The following PCDH18 variants were observed in gnomAD, a reference collection of about 807,000 sequenced individuals.
The protein encoded by PCDH18 is protocadherin-18.
Under a neutral mutation model 71.5 loss-of-function variants are expected in PCDH18, and 38 were observed. That is an observed-to-expected ratio of 0.53 (90% CI 0.41 to 0.70). The LOEUF (loss-of-function observed/expected upper bound fraction) is 0.70. Among genes scored for constraint, PCDH18 ranks in the 30% least tolerant of loss-of-function variants. The pLI is 0.00. For synonymous variants in PCDH18, 565 were observed against 505.4 expected, an observed-to-expected ratio of 1.12 and a Z score of -1.58; for missense variants, 1,334 against 1,384.6, an observed-to-expected ratio of 0.96 and a Z score of 0.58.
At position 137,521,603 on chromosome 4, in the gene PCDH18, C is replaced by G. The variant is rs1414557585; in HGVS notation, c.2834G>C (p.Ser945Thr). The change falls in exon 4 of 4, where the codon AGT becomes ACT. Residue 945 changes from serine (S) to threonine (T), a missense_variant. Ser to Thr is a moderately conservative substitution (Grantham distance 58). Coordinates refer to ENST00000344876, the MANE Select transcript of PCDH18 (RefSeq NM_019035.5). ...TTCTTCCCCTGGAATGAACATGTTA[C>G]TCCTATAATCAGAAGACGGTGAGGG... ...PLPSPSSDYR[S>T]NMFIPGEEFP... 6 of 1,613,822 alleles carry G rather than the reference C, an allele frequency of 3.7e-6. No individual in the cohort carries two copies. The highest frequency in any genetic ancestry group is 5.1e-6 in the Non-Finnish European group (6 of 1,180,000).
At position 137,528,190 on chromosome 4, in the gene PCDH18, G is replaced by T. The variant is rs1731534611; in HGVS notation, c.2740+288C>A. Among the ~76,000 whole-genome samples the T allele has an allele frequency of 3.3e-5, 5 of 152,046 alleles. No homozygotes were observed. The South Asian group carries it at 1.0e-3, about 31-fold the overall frequency. ...TGTATCGGATGAGGTGGAAAGAGGG[G>T]GAAAGTGTTTGTTTTTTTGATTTTT... On this transcript the variant is annotated intron_variant, in intron 3 of 3. Transcript: ENST00000344876.
chr4:137,523,434 C>T (rs967596646), intron 3 of PCDH18, among the ~76,000 whole-genome samples: 1 of 151,420 alleles, frequency 6.6e-6, no homozygotes, highest in Non-Finnish European at 1.5e-5. Flanking sequence ...AGCAAAATAA[C>T]AATCATAGTG....
Position 137,530,489 on chromosome 4 carries a change from C to T in PCDH18, c.1600G>A (p.Asp534Asn), listed in dbSNP as rs778145466. The T allele has an allele frequency of 3.8e-5, 61 of 1,613,992 alleles. 1 individual carries two copies. The highest frequency in any genetic ancestry group is 5.2e-5 in the Non-Finnish European group (61 of 1,179,960). The change falls in exon 1 of 4, where the codon GAT becomes AAT. Residue 534 changes from aspartate to asparagine, a missense_variant. Physicochemically the swap from Asp to Asn is conservative, Grantham distance 23. Transcript: ENST00000344876. Reference sequence around the variant, plus strand: ...GTGATCTGACTCACTTCTTCATGATCAAAGATTCTGAGGGCATAGATGGCT... The same window carrying T: ...GTGATCTGACTCACTTCTTCATGATTAAAGATTCTGAGGGCATAGATGGCT... ...NGAIYALRIF[D>N]HEEVSQITFV...
rs780521845 is a variant in PCDH18, at chr4:137,530,143, T to C, written c.1946A>G (p.Tyr649Cys). Residue 649 changes from tyrosine to cysteine, a missense_variant, in exon 1 of 4, where the codon TAC (tyrosine) becomes TGC (cysteine). Coordinates refer to ENST00000344876, the MANE Select transcript of PCDH18 (RefSeq NM_019035.5). ...HTNVSMDSVPYTEWELSVIIQ... is the reference protein window; with the variant it reads ...HTNVSMDSVPCTEWELSVIIQ... ...GATAACTGACAGCTCCCATTCTGTG[T>C]AGGGAACAGAATCCATGCTAACGTT... 1.7e-5 allele frequency: 27 copies of C among 1,612,992 alleles called. No homozygotes were observed. In the South Asian group the frequency reaches 2.4e-4, roughly 14 times the overall value.
Position 137,531,208 on chromosome 4 carries a change from A to T in PCDH18, c.881T>A (p.Met294Lys). 1 of 1,612,076 alleles carries T rather than the reference A, an allele frequency of 6.2e-7. No individual in the cohort carries two copies. The highest frequency in any genetic ancestry group is 8.5e-7 in the Non-Finnish European group (1 of 1,178,942). The change falls in exon 1 of 4, where the codon ATG becomes AAG. Residue 294 changes from methionine to lysine, a missense_variant. Around this residue, in one of 3 missense-constraint regions of PCDH18, gnomAD observed 1,011 missense variants for 1,048.0 expected, o/e 0.96. Coordinates refer to ENST00000344876, the MANE Select transcript of PCDH18 (RefSeq NM_019035.5). The stretch of plus-strand genomic sequence containing the variant: ...TTCAGAATCAATTTTAAAAGTCTCC[A>T]TAATTTTGGGAGACACATGACTGCT... ...SFSSHVSPKI[M>K]ETFKIDSERG...
chr4:137,521,535 C>T lies in PCDH18; in HGVS notation c.2902G>A (p.Glu968Lys), dbSNP rs2149211670. Residue 968 changes from glutamate to lysine, a missense_variant, in exon 4 of 4, where the codon GAG becomes AAG. Glu to Lys is a moderately conservative substitution (Grantham distance 56). This residue lies in a region of PCDH18 where 319 missense variants were observed against 316.3 expected (regional missense o/e 1.01). Transcript: ENST00000344876. ...PQQQHPHQSL[E>K]DDAQPADSGE... ...GAATCTGCAGGCTGAGCGTCATCCT[C>T]AAGACTCTGATGTGGATGCTGCTGC... 4 of 1,614,142 alleles carry T rather than the reference C, an allele frequency of 2.5e-6. No homozygotes were observed. The South Asian group carries it at 3.3e-5, about 13-fold the overall frequency.
Position 137,531,282 on chromosome 4 carries a change from A to G in PCDH18, c.807T>C (p.Asn269=). The G allele has an allele frequency of 6.2e-7, 1 of 1,614,154 alleles. No homozygotes were observed. Among genetic ancestry groups the G allele is most frequent in the Non-Finnish European group, 8.5e-7 (1 of 1,180,006 alleles). ...TAGCGCCCTCATCTGGATCCGTGGC[A>G]TTCAGATCTAAGAGCAAAGTGCCAA... ...SPVGTLLLDL[N]ATDPDEGANG... The change falls in exon 1 of 4, where the codon AAT becomes AAC. Residue 269 remains asparagine, a synonymous_variant. Transcript: ENST00000344876.
Position 137,531,599 on chromosome 4 carries a change from G to T in PCDH18, c.490C>A (p.Pro164Thr), listed in dbSNP as rs999361885. ...TRIPLDSAFDPDVGENSLHTY... is the reference protein window; with the variant it reads ...TRIPLDSAFDTDVGENSLHTY... Reference sequence around the variant, plus strand: ...TGGAGGGAATTTTCCCCAACATCTGGATCAAATGCACTGTCCAGGGGAATG... The same window carrying T: ...TGGAGGGAATTTTCCCCAACATCTGTATCAAATGCACTGTCCAGGGGAATG... The change falls in exon 1 of 4, where the codon CCA becomes ACA. Residue 164 changes from proline (P) to threonine (T), a missense_variant. Pro to Thr is a conservative substitution (Grantham distance 38). This residue lies in a region of PCDH18 where 1,011 missense variants were observed against 1,048.0 expected (regional missense o/e 0.96). Coordinates refer to ENST00000344876, the MANE Select transcript of PCDH18 (RefSeq NM_019035.5). 21 of 1,613,620 alleles carry T rather than the reference G, an allele frequency of 1.3e-5. No individual in the cohort carries two copies. The highest frequency in any genetic ancestry group is 2.2e-5 in the East Asian group (1 of 44,846).
chr4:137,531,044 C>T lies in PCDH18; in HGVS notation c.1045G>A (p.Asp349Asn). The T allele has an allele frequency of 6.2e-7, 1 of 1,609,556 alleles. No individual in the cohort carries two copies. Among genetic ancestry groups the T allele is most frequent in the Non-Finnish European group, 8.5e-7 (1 of 1,177,700 alleles). ...TTGATGTTAATTTCAGGTTTATTGT[C>T]ATTAACATCCACAACCTTAATTATA... ...KIIIKVVDVNDNKPEININLM... is the reference protein window; with the variant it reads ...KIIIKVVDVNNNKPEININLM... Residue 349 changes from aspartate (D) to asparagine (N), a missense_variant, in exon 1 of 4, where the codon GAC becomes AAC. Transcript: ENST00000344876.
Position 137,532,091 on chromosome 4 carries a change from G to T in PCDH18, c.-3C>A, listed in dbSNP as rs963166615. 5 of 1,604,748 alleles carry T rather than the reference G, an allele frequency of 3.1e-6. No homozygotes were observed. The highest frequency in any genetic ancestry group is 4.3e-6 in the Non-Finnish European group (5 of 1,173,778). ...ATTTTAGCATTCATTTGGTGCATTG[G>T]TCAGTTTATGAGATTTCCCTCACAG... On this transcript the variant is annotated 5_prime_UTR_variant, in exon 1 of 4. Coordinates refer to ENST00000344876, the MANE Select transcript of PCDH18 (RefSeq NM_019035.5).
In PCDH18 at chr4:137,532,035, T is replaced by C; in HGVS notation, c.54A>G (p.Ile18Met). The C allele has an allele frequency of 6.2e-7, 1 of 1,613,210 alleles. No individual in the cohort carries two copies. Among genetic ancestry groups the C allele is most frequent in the Non-Finnish European group, 8.5e-7 (1 of 1,179,606 alleles). Residue 18 changes from isoleucine to methionine, a missense_variant, in exon 1 of 4, where the codon ATA (isoleucine) becomes ATG (methionine). By Grantham distance (10) the Ile-to-Met change is conservative. Around this residue, in one of 3 missense-constraint regions of PCDH18, gnomAD observed 1,011 missense variants for 1,048.0 expected, o/e 0.96. Coordinates refer to ENST00000344876, the MANE Select transcript of PCDH18 (RefSeq NM_019035.5). ...CCAGTACATCGTGGTTGAAAGATACTATCAGAAGTGCAAAAACAAACCTAA... is the reference window on the plus strand; with the variant it reads ...CCAGTACATCGTGGTTGAAAGATACCATCAGAAGTGCAAAAACAAACCTAA... ...MHFRFVFALL[I>M]VSFNHDVLGK...
intron 3 of PCDH18, among the ~76,000 whole-genome samples, chr4:137,522,148 A>G (rs1239623473): frequency 6.6e-6 from 1 of 152,192 alleles, no homozygotes; most frequent in Non-Finnish European, 1.5e-5. Context: ...AATGGAAGCA[A>G]TGAGAATATA....
At chr4:137,528,371 A>T in intron 3 of PCDH18, 107 bp downstream of exon 3, 1 of 815,260 alleles carries the variant, frequency 1.2e-6, no homozygotes, top group Non-Finnish European at 2.0e-6. Flanking sequence ...TAAATACTTT[A>T]GTGCAAGGGA....
Position 137,520,137 on chromosome 4 carries a change from A to G in PCDH18, c.*892T>C, listed in dbSNP as rs2149211031. On this transcript the variant is annotated 3_prime_UTR_variant, in exon 4 of 4. Coordinates refer to ENST00000344876, the MANE Select transcript of PCDH18 (RefSeq NM_019035.5). The stretch of plus-strand genomic sequence containing the variant: ...TTATATTTACTACCTTAGGAGAGAC[A>G]CTGACACAACTGTTTTTATCCAGTA... The G allele has an allele frequency of 6.5e-6, 1 of 152,770 alleles. No homozygotes were observed. Among genetic ancestry groups the G allele is most frequent in the South Asian group, 2.1e-4 (1 of 4,828 alleles). 9.5% of individuals were successfully genotyped at this position (152,770 alleles called of 1,614,324 possible). A position where few individuals can be genotyped will look rare whatever the true frequency, so the allele number is the denominator to read the frequency against.
intron 3 of PCDH18, among the ~76,000 whole-genome samples, chr4:137,522,960 G>A (rs1343634750): frequency 1.3e-5 from 2 of 152,144 alleles, no homozygotes; most frequent in African/African-American, 4.8e-5. Flanking sequence ...GATTGAAGGC[G>A]TAGAAATTGC....
In PCDH18 at chr4:137,531,941, C is replaced by A; in HGVS notation, c.148G>T (p.Asp50Tyr). 1.2e-6 allele frequency: 2 copies of A among 1,614,120 alleles called. No individual in the cohort carries two copies. Among genetic ancestry groups the A allele is most frequent in the Non-Finnish European group, 1.7e-6 (2 of 1,180,016 alleles). The change falls in exon 1 of 4, where the codon GAT (aspartate) becomes TAT (tyrosine). Residue 50 changes from aspartate (D) to tyrosine (Y), a missense_variant. Physicochemically the swap from Asp to Tyr is radical, Grantham distance 160. Coordinates refer to ENST00000344876, the MANE Select transcript of PCDH18 (RefSeq NM_019035.5). ...VGSVIARLSE[D>Y]VADVLLKLPN... is the part of the protein sequence containing the mutation. ...AGCTTCAATAAAACATCAGCCACATCCTCTGATAGTCTTGCAATTACTGAT... is the reference window on the plus strand; with the variant it reads ...AGCTTCAATAAAACATCAGCCACATACTCTGATAGTCTTGCAATTACTGAT...
At position 137,531,807 on chromosome 4, in the gene PCDH18, A is replaced by G. The variant is rs752502831; in HGVS notation, c.282T>C (p.Arg94=). The change falls in exon 1 of 4, where the codon CGT becomes CGC. Residue 94 remains arginine, a synonymous_variant. Coordinates refer to ENST00000344876, the MANE Select transcript of PCDH18 (RefSeq NM_019035.5). The stretch of plus-strand genomic sequence containing the variant: ...TCAAGTTTTTCTGGCACAGTTGTTC[A>G]CGGTCAATTGTAGCCCCTATGCTGA... ...GEISIGATID[R]EQLCQKNLNC... 2 of 1,614,190 alleles carry G rather than the reference A, an allele frequency of 1.2e-6. No homozygotes were observed. Among genetic ancestry groups the G allele is most frequent in the East Asian group, 4.5e-5 (2 of 44,880 alleles).
In PCDH18 at chr4:137,530,642, A is replaced by G; in HGVS notation, c.1447T>C (p.Tyr483His). Reference sequence around the variant, plus strand: ...TCTGTGGCTGTAACAGTGGTGATATATGCCCCTGGTGAGTTATTTTCTGAA... The same window carrying G: ...TCTGTGGCTGTAACAGTGGTGATATGTGCCCCTGGTGAGTTATTTTCTGAA... ...VISENNSPGA[Y>H]ITTVTATDPD... is the part of the protein sequence containing the mutation. Residue 483 changes from tyrosine (Y) to histidine (H), a missense_variant, in exon 1 of 4, where the codon TAT (tyrosine) becomes CAT (histidine). Around this residue, in one of 3 missense-constraint regions of PCDH18, gnomAD observed 1,011 missense variants for 1,048.0 expected, o/e 0.96. Coordinates refer to ENST00000344876, the MANE Select transcript of PCDH18 (RefSeq NM_019035.5). The G allele has an allele frequency of 6.2e-7, 1 of 1,613,950 alleles. No homozygotes were observed. Among genetic ancestry groups the G allele is most frequent in the Non-Finnish European group, 8.5e-7 (1 of 1,179,926 alleles).
At chr4:137,526,614 TG>T (rs1731469403) in intron 3 of PCDH18, among the ~76,000 whole-genome samples, 1 of 152,110 alleles carries the variant, frequency 6.6e-6, no homozygotes, top group African/African-American at 2.4e-5. Context: ...ACACCATGAC[TG>T]TGCAAACAGG....
Sources: allele counts gnomAD v4.1 joint callset (sites outside exome capture counted in the v4.1 genomes callset), GRCh38; gene constraint gnomAD v4.1.1; regional missense constraint gnomAD v4.1.1; transcripts MANE v1.5; gene names NCBI Gene and HGNC (gene_info 2026-07-23, HGNC 2026-07-21).